Variants in FRS2 observed in about 807,000 individuals in gnomAD.
The protein encoded by FRS2 is FGFR signalling adaptor.
FRS2 carries 8 observed loss-of-function variants against 43.9 expected under a neutral mutation model. The ratio of observed to expected loss-of-function variants is 0.18; its 90% CI spans 0.11 to 0.33. The LOEUF (loss-of-function observed/expected upper bound fraction) is 0.33, where lower values mean the gene tolerates loss of function less well. Among genes scored for constraint, FRS2 ranks in the 10% least tolerant of loss-of-function variants. The probability of loss-of-function intolerance (pLI) is 1.00; values close to 1 mark genes in which losing one functional copy is unlikely to be tolerated. For missense variants in FRS2, 534 were observed against 627.6 expected, an observed-to-expected ratio of 0.85 and a Z score of 1.59; for synonymous variants, 219 against 220.3, an observed-to-expected ratio of 0.99 and a Z score of 0.05.
chr12:69,474,199 G>A (rs553273777), intron 1 of FRS2, among the ~76,000 whole-genome samples: 42 of 152,194 alleles, frequency 2.8e-4, no homozygotes, highest in Admixed American at 1.5e-3. Context: ...CTAGAAATAC[G>A]GGCAAGGAGG....
At position 69,477,458 on chromosome 12, in the gene FRS2, A is replaced by AT. The variant is rs1172419784; in HGVS notation, c.-261+6933dup. On this transcript the variant is annotated intron_variant, in intron 1 of 8. Coordinates refer to ENST00000549921, the MANE Select transcript of FRS2 (RefSeq NM_001278356.2). Reference sequence around the variant, plus strand: ...CCAACACGCCTGGCTAATTTTTTGTATTTTTAGTAGAAACGGGGTTTCACC... The same window carrying AT: ...CCAACACGCCTGGCTAATTTTTTGTATTTTTTAGTAGAAACGGGGTTTCACC... Among the ~76,000 whole-genome samples the AT allele has an allele frequency of 3.0e-3, 454 of 149,368 alleles. 4 individuals carry two copies. Among genetic ancestry groups the AT allele is most frequent in the African/African-American group, 0.011 (425 of 39,786 alleles).
chr12:69,575,892 T>G lies in FRS2; in HGVS notation c.*937T>G, dbSNP rs1429198866. 1 of 152,680 alleles carries G rather than the reference T, an allele frequency of 6.5e-6. No individual in the cohort carries two copies. The highest frequency in any genetic ancestry group is 1.9e-4 in the East Asian group (1 of 5,206). 9.5% of individuals were successfully genotyped at this position (152,680 alleles called of 1,614,324 possible). ...TTGAGTTTGTATATAGTTTTGAAAT[T>G]GGATTATGTGTTCATTGTTGTTTAG... On this transcript the variant is annotated 3_prime_UTR_variant, in exon 9 of 9. Transcript: ENST00000549921.
intron 1 of FRS2, among the ~76,000 whole-genome samples, chr12:69,525,383 T>C (rs1187476559): frequency 6.6e-6 from 1 of 152,064 alleles, no homozygotes; most frequent in East Asian, 1.9e-4. Context: ...TATGATAAAG[T>C]TTCAAGAAAC....
At chr12:69,546,340 C>G (rs1878404991) in intron 3 of FRS2, among the ~76,000 whole-genome samples, 1 of 151,130 alleles carries the variant, frequency 6.6e-6, no homozygotes, top group Non-Finnish European at 1.5e-5. Context: ...TCACTGCAAC[C>G]TCCCCCTCCC....
In FRS2 at chr12:69,570,535, T is replaced by C; in HGVS notation, c.253+18T>C. 1 of 1,481,106 alleles carries C rather than the reference T, an allele frequency of 6.8e-7. No individual in the cohort carries two copies. The highest frequency in any genetic ancestry group is 1.1e-5 in the South Asian group (1 of 87,230). 91.7% of individuals were successfully genotyped at this position (1,481,106 alleles called of 1,614,324 possible). ...TGGACAAGGTAGAACCTTTGTTTTT[T>C]TTCCCAAATATTGTATTTGAAATTG... On this transcript the variant is annotated intron_variant, in intron 6 of 8. Transcript: ENST00000549921.
At chr12:69,572,028 C>T (rs1880805717) in intron 7 of FRS2, 90 bp from the exon 8 acceptor site, 1 of 909,536 alleles carries the variant, frequency 1.1e-6, no homozygotes, top group African/African-American at 1.7e-5. Flanking sequence ...GAAAGACCTC[C>T]TATAATCCTC....
At chr12:69,499,151 T>G (rs1339361630) in intron 1 of FRS2, among the ~76,000 whole-genome samples, 1 of 150,838 alleles carries the variant, frequency 6.6e-6, no homozygotes, top group Non-Finnish European at 1.5e-5. Flanking sequence ...ATGATTATAG[T>G]CAATAGGAAA....
At chr12:69,508,981 T>C (rs1874211899) in intron 1 of FRS2, among the ~76,000 whole-genome samples, 2 of 152,224 alleles carry the variant, frequency 1.3e-5, no homozygotes, top group Admixed American at 1.3e-4. Context: ...CAAAATTCAC[T>C]AATTATATTT....
intron 3 of FRS2, among the ~76,000 whole-genome samples, chr12:69,556,871 A>G (rs1422624059): frequency 6.6e-6 from 1 of 152,194 alleles, no homozygotes; most frequent in Non-Finnish European, 1.5e-5. Flanking sequence ...TATTAGGTAT[A>G]CCATATTAAG....
At chr12:69,481,055 T>C (rs895118927) in intron 1 of FRS2, among the ~76,000 whole-genome samples, 1 of 152,246 alleles carries the variant, frequency 6.6e-6, no homozygotes, top group Non-Finnish European at 1.5e-5. Context: ...ATTTCAAACT[T>C]ACAGGAAAGT....
At chr12:69,544,335 T>G (rs1011271560) in intron 3 of FRS2, among the ~76,000 whole-genome samples, 1 of 152,134 alleles carries the variant, frequency 6.6e-6, no homozygotes, top group African/African-American at 2.4e-5. Flanking sequence ...GAAAACCACA[T>G]GATTGTGTCA....
chr12:69,530,174 T>C (rs1025551848), intron 1 of FRS2, among the ~76,000 whole-genome samples: 73 of 146,558 alleles, frequency 5.0e-4, no homozygotes, highest in African/African-American at 1.9e-3. Context: ...CAATTAATGA[T>C]AATAATTGCT....
chr12:69,489,154 T>C (rs1392988362), intron 1 of FRS2, among the ~76,000 whole-genome samples: 1 of 152,160 alleles, frequency 6.6e-6, no homozygotes, highest in Non-Finnish European at 1.5e-5. Context: ...GTTTATTGGT[T>C]CAAATACAGC....
chr12:69,530,271 C>CT (rs750461059), intron 1 of FRS2, among the ~76,000 whole-genome samples: 3,533 of 141,534 alleles, frequency 0.025, 114 homozygotes, highest in African/African-American at 0.065. Flanking sequence ...CCATATATTT[C>CT]TTTTTTTTTT....
chr12:69,531,792 A>G (rs1366781751), intron 2 of FRS2, among the ~76,000 whole-genome samples: 1 of 152,210 alleles, frequency 6.6e-6, no homozygotes, highest in Non-Finnish European at 1.5e-5. Flanking sequence ...ATGACTTGAT[A>G]TTTAGAGAAT....
At chr12:69,494,409 T>C (rs796250568) in intron 1 of FRS2, among the ~76,000 whole-genome samples, 12 of 152,338 alleles carry the variant, frequency 7.9e-5, no homozygotes, top group African/African-American at 2.9e-4. Context: ...AAGCATGATA[T>C]CCAATTTATA....
chr12:69,484,155 G>T (rs1871612337), intron 1 of FRS2, among the ~76,000 whole-genome samples: 1 of 151,838 alleles, frequency 6.6e-6, no homozygotes, highest in Non-Finnish European at 1.5e-5. Context: ...TGCAATCTCG[G>T]CTCACTGCAA....
intron 1 of FRS2, among the ~76,000 whole-genome samples, chr12:69,511,814 T>G (rs552715649): frequency 7.2e-4 from 110 of 152,370 alleles, no homozygotes; most frequent in African/African-American, 2.5e-3. Flanking sequence ...AAGTTTGTTT[T>G]GAGGATTAAA....
chr12:69,493,971 A>G (rs1355645243), intron 1 of FRS2, among the ~76,000 whole-genome samples: 1 of 152,112 alleles, frequency 6.6e-6, no homozygotes, highest in Admixed American at 6.5e-5. Context: ...TTACCCATCA[A>G]TCCATGAGCT....
Sources: allele counts gnomAD v4.1 joint callset (sites outside exome capture counted in the v4.1 genomes callset), GRCh38; gene constraint gnomAD v4.1.1; transcripts MANE v1.5; gene names NCBI Gene and HGNC (gene_info 2026-07-23, HGNC 2026-07-21).